The following STX8 variants were observed in gnomAD, a reference collection of about 807,000 sequenced individuals.
The protein encoded by STX8 is syntaxin-8.
In STX8, 23 loss-of-function variants were observed where a neutral mutation model predicts 37.5. The observed-to-expected ratio is 0.61, with a 90% CI of 0.44 to 0.87. The LOEUF (loss-of-function observed/expected upper bound fraction) is 0.87. Ranked by LOEUF, STX8 falls within the 40% of genes least tolerant of loss-of-function variation. STX8 has a pLI of 0.00. For missense variants in STX8, 313 were observed against 284.7 expected (o/e 1.10, Z -0.71); for synonymous variants, 115 against 99.1 (o/e 1.16, Z -0.95).
intron 6 of STX8, among the ~76,000 whole-genome samples, chr17:9,460,284 G>A (rs1402022138): frequency 6.6e-6 from 1 of 152,156 alleles, no homozygotes. Flanking sequence ...ATATTTACTA[G>A]TAACTCTTGG....
intron 6 of STX8, among the ~76,000 whole-genome samples, chr17:9,399,402 CA>C (rs898493849): frequency 1.3e-5 from 2 of 152,146 alleles, no homozygotes; most frequent in African/African-American, 4.8e-5. Flanking sequence ...GTGGTTTGCG[CA>C]AAGTGACAGA....
chr17:9,451,509 G>A (rs553825544), intron 6 of STX8, among the ~76,000 whole-genome samples: 2 of 152,066 alleles, frequency 1.3e-5, no homozygotes, highest in Non-Finnish European at 2.9e-5. Flanking sequence ...AGGGTTCGTG[G>A]TGTCTAATGA....
At chr17:9,326,377 C>T (rs571552504) in intron 7 of STX8, among the ~76,000 whole-genome samples, 1 of 152,304 alleles carries the variant, frequency 6.6e-6, no homozygotes, top group South Asian at 2.1e-4. Context: ...TTGCCTCAGC[C>T]TCCCAAAGCG....
chr17:9,331,916 G>A (rs1416824961), intron 7 of STX8, among the ~76,000 whole-genome samples: 2 of 152,180 alleles, frequency 1.3e-5, no homozygotes, highest in African/African-American at 2.4e-5. Flanking sequence ...AAAGTGCAGA[G>A]GAATTCTTCA....
chr17:9,266,287 G>A (rs1481003954), intron 7 of STX8, among the ~76,000 whole-genome samples: 22 of 152,178 alleles, frequency 1.4e-4, no homozygotes, highest in Admixed American at 1.0e-3. Flanking sequence ...CCCAGCCAGC[G>A]CACCGGAGCC....
At chr17:9,410,479 C>T (rs561677744) in intron 6 of STX8, among the ~76,000 whole-genome samples, 59 of 152,270 alleles carry the variant, frequency 3.9e-4, no homozygotes, top group Non-Finnish European at 5.1e-4. Flanking sequence ...CGTCATAAAA[C>T]GCGGTAACGT....
chr17:9,402,766 AAACTT>A (rs1168744159), intron 6 of STX8, among the ~76,000 whole-genome samples: 1 of 152,186 alleles, frequency 6.6e-6, no homozygotes, highest in East Asian at 1.9e-4. Flanking sequence ...GCATGATGCT[AAACTT>A]AACTTTCGCA....
At chr17:9,405,238 G>A (rs562476608) in intron 6 of STX8, among the ~76,000 whole-genome samples, 1 of 152,274 alleles carries the variant, frequency 6.6e-6, no homozygotes, top group East Asian at 1.9e-4. Context: ...AGTACCACGT[G>A]TAATGAGACT....
chr17:9,452,646 C>T (rs1016495102), intron 6 of STX8: 14 of 152,126 alleles, frequency 9.2e-5, no homozygotes, highest in African/African-American at 3.4e-4. Context: ...GCTAGGGGTT[C>T]TCAGGTGTAG....
chr17:9,480,778 T>C (rs4791841), intron 6 of STX8, among the ~76,000 whole-genome samples: 135,302 of 152,242 alleles, frequency 0.89, 60,337 homozygotes, highest in East Asian at 0.99. Context: ...GAATTCAGAC[T>C]AACACAGCCA....
intron 4 of STX8, among the ~76,000 whole-genome samples, chr17:9,544,321 C>G (rs1017048972): frequency 1.3e-5 from 2 of 152,088 alleles, no homozygotes; most frequent in African/African-American, 4.8e-5. Flanking sequence ...GGTTCATCAA[C>G]CTCAGCCTTG....
At chr17:9,447,483 C>T (rs763848706) in intron 6 of STX8, among the ~76,000 whole-genome samples, 41 of 152,160 alleles carry the variant, frequency 2.7e-4, no homozygotes, top group Non-Finnish European at 4.9e-4. Context: ...AGTGCAGTGA[C>T]GCAATCTCAG....
chr17:9,320,153 T>C (rs1214171832), intron 7 of STX8, among the ~76,000 whole-genome samples: 1 of 151,396 alleles, frequency 6.6e-6, no homozygotes, highest in Non-Finnish European at 1.5e-5. Flanking sequence ...ACCAACATGG[T>C]GAAATCCCGT....
At chr17:9,455,980 G>A (rs2062248339) in intron 6 of STX8, among the ~76,000 whole-genome samples, 1 of 152,028 alleles carries the variant, frequency 6.6e-6, no homozygotes, top group African/African-American at 2.4e-5. Context: ...CCTCATCTGG[G>A]ATCTGGGGGC....
At chr17:9,325,375 G>T (rs1483299770) in intron 7 of STX8, among the ~76,000 whole-genome samples, 1 of 152,098 alleles carries the variant, frequency 6.6e-6, no homozygotes, top group Admixed American at 6.5e-5. Flanking sequence ...TATGTATAGT[G>T]TATGAATGAA....
At chr17:9,402,188 C>T (rs1439000716) in intron 6 of STX8, among the ~76,000 whole-genome samples, 16 of 152,066 alleles carry the variant, frequency 1.1e-4, no homozygotes, top group African/African-American at 3.1e-4. Context: ...GGCACGATCT[C>T]GGCTCACTGC....
At chr17:9,465,863 G>A (rs1392926423) in intron 6 of STX8, among the ~76,000 whole-genome samples, 1 of 152,192 alleles carries the variant, frequency 6.6e-6, no homozygotes, top group African/African-American at 2.4e-5. Context: ...TACAAGGGAT[G>A]AGGTTTGAGA....
chr17:9,529,247 TAGAGAGAG>T (rs10536811), intron 4 of STX8, among the ~76,000 whole-genome samples: 35,154 of 150,118 alleles, frequency 0.23, 4,688 homozygotes, highest in East Asian at 0.51. Flanking sequence ...ACATAGCTCT[TAGAGAGAG>T]AGAGAGAGAG....
At chr17:9,444,860 C>T (rs978890863) in intron 6 of STX8, among the ~76,000 whole-genome samples, 2 of 152,048 alleles carry the variant, frequency 1.3e-5, no homozygotes. Flanking sequence ...GAAACAGACT[C>T]TTTCTTTCAA....
Sources: gnomAD v4.1 joint callset for allele counts (sites outside exome capture counted in the v4.1 genomes callset) on GRCh38, gnomAD v4.1.1 for gene constraint, MANE v1.5 for transcripts, NCBI Gene and HGNC (gene_info 2026-07-23, HGNC 2026-07-21) for gene names.